The following EIF2D variants were observed in gnomAD, a reference collection of about 807,000 sequenced individuals.
The protein encoded by EIF2D is hepatocellular carcinoma-associated antigen 56.
A neutral mutation model predicts 77.4 loss-of-function variants in EIF2D; 56 were observed. That is an observed-to-expected ratio of 0.72 (90% CI 0.58 to 0.90). The LOEUF is 0.90. Among genes scored for constraint, EIF2D ranks in the 40% least tolerant of loss-of-function variants. The probability of loss-of-function intolerance (pLI) is 0.00; values close to 1 mark genes in which losing one functional copy is unlikely to be tolerated. For missense variants in EIF2D, 574 were observed against 706.5 expected, an observed-to-expected ratio of 0.81 and a Z score of 2.13; for synonymous variants, 230 against 271.0, an observed-to-expected ratio of 0.85 and a Z score of 1.49.
Position 206,579,937 on chromosome 1 carries a change from T to C in EIF2D, c.*254+755A>G, listed in dbSNP as rs1553405924. Among the ~76,000 whole-genome samples, 1 of 152,208 alleles carries C rather than the reference T, an allele frequency of 6.6e-6. No homozygotes were observed. Among genetic ancestry groups the C allele is most frequent in the East Asian group, 1.9e-4 (1 of 5,204 alleles). ...CAGATATTTTTGTGGGCAGCAGCCA[T>C]CCCAGACCTGGGTGCTGGCATTCCA... On this transcript the variant is annotated intron_variant and NMD_transcript_variant, in intron 4 of 5. Transcript: ENST00000472709. This position sits in a 1 kb window ranked among gnomAD's most constrained non-coding sequence, Gnocchi z 4.2.
At chr1:206,588,865 A>G (rs1210677086), downstream of EIF2D, 1 of 152,766 alleles carries the variant, frequency 6.5e-6, no homozygotes, top group Non-Finnish European at 1.5e-5. Flanking sequence ...TCTAACATTA[A>G]TAGAAGGCAT....
At chr1:206,576,381 C>G (rs1668660140) in intron 4 of EIF2D, among the ~76,000 whole-genome samples, 1 of 152,220 alleles carries the variant, frequency 6.6e-6, no homozygotes, top group Non-Finnish European at 1.5e-5. Context: ...CTGTCTACCT[C>G]CATCCCTACC....
chr1:206,597,835 C>T (rs782012582), intron 11 of EIF2D, among the ~76,000 whole-genome samples: 1 of 151,894 alleles, frequency 6.6e-6, no homozygotes, highest in Non-Finnish European at 1.5e-5. Context: ...ATTCCAGCTA[C>T]TTGGGAGGCT....
rs1431649323 is a variant in EIF2D, at chr1:206,611,260, T to G, written c.171A>C (p.Lys57Asn). ...ELNIVKLYAH[K>N]GDAVTVYVSG... ...TCACGTACACAGTCACTGCATCCCC[T>G]TTGTGAGCATACAACTTCACAATGT... The change falls in exon 2 of 15, where the codon AAA becomes AAC. Residue 57 changes from lysine (K) to asparagine (N), a missense_variant. Coordinates refer to ENST00000271764, the MANE Select transcript of EIF2D (RefSeq NM_006893.3). 1 of 1,614,096 alleles carries G rather than the reference T, an allele frequency of 6.2e-7. No individual in the cohort carries two copies. The highest frequency in any genetic ancestry group is 1.7e-5 in the Admixed American group (1 of 60,006).
chr1:206,585,433 G>A, intron 2 of EIF2D: 1 of 674,848 alleles, frequency 1.5e-6, no homozygotes, highest in Non-Finnish European at 2.7e-6. Flanking sequence ...AGTGAGCAGG[G>A]GTGGGTGATG....
Position 206,602,849 on chromosome 1 carries a change from C to A in EIF2D, c.784+102G>T, listed in dbSNP as rs6675741. On this transcript the variant is annotated intron_variant, in intron 6 of 14. Coordinates refer to ENST00000271764, the MANE Select transcript of EIF2D (RefSeq NM_006893.3). ...GAAAATAAGGACCTTCCCCTCCTCC[C>A]CCGGAAGCTTAAGGGCCATTCTAGT... The A allele has an allele frequency of 1.2e-5, 18 of 1,495,972 alleles. No homozygotes were observed. The highest frequency in any genetic ancestry group is 2.1e-4 in the Middle Eastern group (1 of 4,710). 92.7% of individuals were successfully genotyped at this position (1,495,972 alleles called of 1,614,324 possible). A position where few individuals can be genotyped will look rare whatever the true frequency, so the allele number is the denominator to read the frequency against.
In EIF2D at chr1:206,605,501, AG is replaced by A. The variant is rs1553412491; in HGVS notation, c.428del (p.Pro143LeufsTer2). 1.2e-6 allele frequency: 2 copies of A among 1,613,916 alleles called. No individual in the cohort carries two copies. Among genetic ancestry groups the A allele is most frequent in the African/African-American group, 2.7e-5 (2 of 75,060 alleles). On this transcript the variant is annotated frameshift_variant, in exon 5 of 15. Coordinates refer to ENST00000271764, the MANE Select transcript of EIF2D (RefSeq NM_006893.3). LOFTEE classifies it high-confidence loss of function. ...ACATGGCTGCAACTCCAATGGCTAC[AG>A]GGGCTCTAAGAAGAAGGAAGCCAGA... ...CAISLVGNRA[P>X]VAIGVAAMST...
intron 4 of EIF2D, among the ~76,000 whole-genome samples, chr1:206,580,457 C>T (rs931457492): frequency 6.6e-6 from 1 of 152,120 alleles, no homozygotes; most frequent in African/African-American, 2.4e-5. Context: ...AACCAGACAA[C>T]GGGGTCTTTC....
intron 2 of EIF2D, among the ~76,000 whole-genome samples, chr1:206,610,694 G>C (rs1357912713): frequency 3.3e-5 from 5 of 152,104 alleles, no homozygotes; most frequent in Admixed American, 2.6e-4. Flanking sequence ...GGTGGCGGGT[G>C]CCTGTAGTTC....
At chr1:206,578,366 T>C (rs1467146640) in intron 4 of EIF2D, among the ~76,000 whole-genome samples, 2 of 152,116 alleles carry the variant, frequency 1.3e-5, no homozygotes, top group African/African-American at 4.8e-5. Context: ...AAAATGAGCA[T>C]CATAATAGTA....
At chr1:206,610,624 T>C (rs1371696467) in intron 2 of EIF2D, among the ~76,000 whole-genome samples, 2 of 152,104 alleles carry the variant, frequency 1.3e-5, no homozygotes, top group East Asian at 1.9e-4. Context: ...ATCAAGATCA[T>C]CCTGGCTAAC....
chr1:206,594,064 G>T, intron 13 of EIF2D: 1 of 261,964 alleles, frequency 3.8e-6, no homozygotes, highest in South Asian at 1.1e-4. Flanking sequence ...AGTTTTATTT[G>T]GAGAATTCAA....
intron 5 of EIF2D, 27 bp from the exon 6 acceptor site, chr1:206,603,231 CA>C: frequency 6.2e-7 from 1 of 1,608,802 alleles, no homozygotes; most frequent in Admixed American, 1.7e-5. Flanking sequence ...TCAGAAACAT[CA>C]AGCAGCAGCT....
chr1:206,602,265 C>T, intron 7 of EIF2D, 71 bp downstream of exon 7: 1 of 1,217,880 alleles, frequency 8.2e-7, no homozygotes, highest in East Asian at 2.3e-5. Flanking sequence ...TGGCCCCATC[C>T]TGTCCTACTA....
intron 5 of EIF2D, 110 bp from the exon 6 acceptor site, chr1:206,603,314 G>C: frequency 6.9e-7 from 1 of 1,439,622 alleles, no homozygotes; most frequent in Admixed American, 2.3e-5. Flanking sequence ...CAACAGGCAG[G>C]AGTGGCCAGG....
intron 4 of EIF2D, among the ~76,000 whole-genome samples, chr1:206,575,452 C>T (rs1340682615): frequency 1.3e-5 from 2 of 152,066 alleles, no homozygotes; most frequent in African/African-American, 2.4e-5. Flanking sequence ...ATGCGTAGAC[C>T]GGCTTGGGCT....
chr1:206,585,135 C>T, intron 2 of EIF2D: 1 of 1,492,734 alleles, frequency 6.7e-7, no homozygotes, highest in Non-Finnish European at 9.3e-7. Context: ...GGGCCCCGCC[C>T]TTCTTTTCTG....
At chr1:206,602,624 G>T in intron 6 of EIF2D, 171 bp from the exon 7 acceptor site, 1 of 654,674 alleles carries the variant, frequency 1.5e-6, no homozygotes, top group Non-Finnish European at 2.6e-6. Flanking sequence ...AAAGAGGGTT[G>T]ACCCCAGAGA....
At position 206,599,859 on chromosome 1, in the gene EIF2D, T is replaced by C. The variant is rs781997457; in HGVS notation, c.949-23A>G. ...GAGCTAAGGGAGAGAGGGCCAGTGG[T>C]AGGGGACTTCATTGATTCCACACAC... On this transcript the variant is annotated intron_variant, in intron 8 of 14. Transcript: ENST00000271764. The surrounding 1 kb of genome is among the most constrained non-coding windows in gnomAD (Gnocchi z 4.1). The C allele has an allele frequency of 1.9e-6, 3 of 1,608,510 alleles. No individual in the cohort carries two copies. The highest frequency in any genetic ancestry group is 1.7e-6 in the Non-Finnish European group (2 of 1,175,534).
Sources: allele counts gnomAD v4.1 joint callset (sites outside exome capture counted in the v4.1 genomes callset), GRCh38; gene constraint gnomAD v4.1.1; non-coding constraint Gnocchi (gnomAD v3.1); transcripts MANE v1.5; gene names NCBI Gene and HGNC (gene_info 2026-07-23, HGNC 2026-07-21).